The following LARGE1 variants were observed in gnomAD, a reference collection of about 807,000 sequenced individuals.
LARGE1 encodes the protein xylosyl- and glucuronyltransferase LARGE1.
In LARGE1, 43 loss-of-function variants were observed where a neutral mutation model predicts 87.6. The ratio of observed to expected loss-of-function variants is 0.49; its 90% confidence interval spans 0.38 to 0.63. The LOEUF is 0.63. LARGE1 is among the 30% of genes least tolerant of loss of function. The probability of loss-of-function intolerance (pLI) is 0.00; values close to 1 mark genes in which losing one functional copy is unlikely to be tolerated. For synonymous variants in LARGE1, 434 were observed against 394.6 expected (o/e 1.10, Z -1.18); for missense variants, 802 against 1,000.2 (o/e 0.80, Z 2.67).
chr22:33,144,024 T>TC, the LARGE1 span, among the ~76,000 whole-genome samples: 1 of 152,216 alleles, frequency 6.6e-6, no homozygotes, highest in Non-Finnish European at 1.5e-5. Context: ...TGTTTGACTA[T>TC]CCGTATGTTT....
chr22:33,377,126 G>T (rs975566669), intron 9 of LARGE1, among the ~76,000 whole-genome samples: 5 of 152,170 alleles, frequency 3.3e-5, no homozygotes, highest in Non-Finnish European at 7.4e-5. Flanking sequence ...AATAAAAATG[G>T]AGTCATTTGT....
chr22:33,071,594 G>A, the LARGE1 span, among the ~76,000 whole-genome samples: 1 of 152,148 alleles, frequency 6.6e-6, no homozygotes, highest in Non-Finnish European at 1.5e-5. Flanking sequence ...ACACATTGAG[G>A]CTGAACAAGA....
chr22:33,156,377 C>G, the LARGE1 span, among the ~76,000 whole-genome samples: 13 of 152,172 alleles, frequency 8.5e-5, no homozygotes, highest in Admixed American at 8.5e-4. Context: ...GCAGAGCTGC[C>G]CAAGGCTGTG....
chr22:33,575,436 G>A (rs1177118361), intron 5 of LARGE1, among the ~76,000 whole-genome samples: 3 of 152,166 alleles, frequency 2.0e-5, no homozygotes, highest in Non-Finnish European at 4.4e-5. Flanking sequence ...CTTCTTGGCT[G>A]TACTTCTTTT....
intron 4 of LARGE1, among the ~76,000 whole-genome samples, chr22:33,613,552 G>A (rs2079500696): frequency 6.6e-6 from 1 of 152,090 alleles, no homozygotes; most frequent in Non-Finnish European, 1.5e-5. Context: ...GAGTGCAATG[G>A]CGCGATCTTG....
At chr22:33,537,002 G>T (rs538432141) in intron 6 of LARGE1, among the ~76,000 whole-genome samples, 1 of 152,296 alleles carries the variant, frequency 6.6e-6, no homozygotes, top group African/African-American at 2.4e-5. Context: ...GTAGAGATGG[G>T]GTTTCACCAT....
At chr22:33,857,100 A>G (rs1601789762) in intron 1 of LARGE1, among the ~76,000 whole-genome samples, 1 of 152,216 alleles carries the variant, frequency 6.6e-6, no homozygotes, top group East Asian at 1.9e-4. Context: ...TATTTTTAGT[A>G]GAGATGAGGT....
chr22:33,462,732 G>C (rs1439067686), intron 6 of LARGE1, among the ~76,000 whole-genome samples: 1 of 152,196 alleles, frequency 6.6e-6, no homozygotes, highest in Non-Finnish European at 1.5e-5. Context: ...AGTGAGCCAA[G>C]ATCATGCCAC....
intron 6 of LARGE1, among the ~76,000 whole-genome samples, chr22:33,490,794 C>T (rs978739073): frequency 5.3e-5 from 8 of 152,202 alleles, no homozygotes; most frequent in Non-Finnish European, 1.2e-4. Context: ...CTGCAAAACC[C>T]ACAGGACTGA....
chr22:33,096,811 C>A, the LARGE1 span, among the ~76,000 whole-genome samples: 1 of 152,030 alleles, frequency 6.6e-6, no homozygotes, highest in African/African-American at 2.4e-5. Flanking sequence ...TTGATCCGCC[C>A]GCCTCGGCCT....
intron 1 of LARGE1, among the ~76,000 whole-genome samples, chr22:33,897,775 C>A (rs1039582060): frequency 1.3e-5 from 2 of 152,150 alleles, no homozygotes; most frequent in African/African-American, 4.8e-5. Context: ...GTCGGTGAGA[C>A]CCATTATCCC....
At chr22:33,069,582 T>C in the LARGE1 span, among the ~76,000 whole-genome samples, 128,318 of 152,110 alleles carry the variant, frequency 0.84, 54,706 homozygotes, top group African/African-American at 0.96. Context: ...GTGTAATAAT[T>C]GAACCTATTA....
intron 11 of LARGE1, chr22:33,305,464 G>T (rs1602330655): frequency 8.3e-6 from 3 of 359,548 alleles, no homozygotes; most frequent in African/African-American, 6.6e-5. Flanking sequence ...AAAGGCGTTA[G>T]AAGCGTCTGG....
chr22:33,489,427 C>T lies in LARGE1; in HGVS notation c.788-57162G>A, dbSNP rs146120861. Among the ~76,000 whole-genome samples the T allele has an allele frequency of 5.3e-3, 810 of 152,274 alleles. 6 individuals carry two copies. Among genetic ancestry groups the T allele is most frequent in the African/African-American group, 0.018 (733 of 41,552 alleles). On this transcript the variant is annotated intron_variant, in intron 6 of 14. Coordinates refer to ENST00000397394, the MANE Select transcript of LARGE1 (RefSeq NM_133642.5). ...GGACAATGATATGGTCTGGCTGTGT[C>T]CCCATCCAAATCTCATCTTGAATTG...
At chr22:33,853,720 G>T (rs2063675789) in intron 1 of LARGE1, among the ~76,000 whole-genome samples, 1 of 152,262 alleles carries the variant, frequency 6.6e-6, no homozygotes, top group Non-Finnish European at 1.5e-5. Context: ...GTGCTGAGTT[G>T]GAAACAGCTT....
At chr22:33,893,188 C>T (rs1396273659) in intron 1 of LARGE1, among the ~76,000 whole-genome samples, 1 of 152,154 alleles carries the variant, frequency 6.6e-6, no homozygotes. Context: ...ACAAAGTAAC[C>T]GCTAAAGAAA....
At chr22:33,352,566 C>A (rs984824703) in intron 9 of LARGE1, among the ~76,000 whole-genome samples, 1 of 151,770 alleles carries the variant, frequency 6.6e-6, no homozygotes, top group Non-Finnish European at 1.5e-5. Context: ...CCAGCCTGGC[C>A]AACACGGTGA....
At chr22:33,139,681 G>A in the LARGE1 span, among the ~76,000 whole-genome samples, 2 of 151,542 alleles carry the variant, frequency 1.3e-5, no homozygotes, top group Admixed American at 1.3e-4. Context: ...TCTCTATCTG[G>A]TAAACTAGCT....
intron 6 of LARGE1, among the ~76,000 whole-genome samples, chr22:33,473,867 ATTCTG>A (rs1326475404): frequency 6.6e-6 from 1 of 152,216 alleles, no homozygotes; most frequent in East Asian, 1.9e-4. Context: ...GCTAAAATTA[ATTCTG>A]TTCTATGAGT....
Sources: allele counts gnomAD v4.1 joint callset (sites outside exome capture counted in the v4.1 genomes callset), GRCh38; gene constraint gnomAD v4.1.1; transcripts MANE v1.5; gene names NCBI Gene and HGNC (gene_info 2026-07-23, HGNC 2026-07-21).